The following FIG4 variants were observed in gnomAD, a reference collection of about 807,000 sequenced individuals.
The protein encoded by FIG4 is polyphosphoinositide phosphatase.
FIG4 carries 112 observed loss-of-function variants against 118.6 expected under a neutral mutation model. That is an observed-to-expected ratio of 0.94 (90% CI 0.81 to 1.11). The LOEUF (loss-of-function observed/expected upper bound fraction) is 1.11, where lower values mean the gene tolerates loss of function less well. Among genes scored for constraint, FIG4 ranks in the 50% least tolerant of loss-of-function variants. The probability of loss-of-function intolerance (pLI) is 0.00; values close to 1 mark genes in which losing one functional copy is unlikely to be tolerated. For missense variants in FIG4, 969 were observed against 1,111.7 expected (o/e 0.87, Z 1.83); for synonymous variants, 369 against 381.2 (o/e 0.97, Z 0.37).
rs1359777462 is a variant in FIG4, at chr6:109,791,507, CTG to C, written c.2316_2317del (p.Gln774AlafsTer9). ...GGGACTGATCGGGAAGAAGAGGGCT[CTG>C]TGTCTCAGCGCTCCACTCCCGTGAA... On this transcript the variant is annotated frameshift_variant, in exon 20 of 23. Transcript: ENST00000230124. LOFTEE classifies it high-confidence loss of function. 1.2e-6 allele frequency: 2 copies of C among 1,614,068 alleles called. No homozygotes were observed. The highest frequency in any genetic ancestry group is 2.2e-5 in the South Asian group (2 of 91,086).
At chr6:109,735,553 A>G (rs375053651) in intron 6 of FIG4, among the ~76,000 whole-genome samples, 1 of 152,158 alleles carries the variant, frequency 6.6e-6, no homozygotes, top group South Asian at 2.1e-4. Context: ...TTTTTATTGA[A>G]TACATTCAAG....
chr6:109,763,282 TTGGCCAA>T (rs1777167037), intron 12 of FIG4, among the ~76,000 whole-genome samples: 1 of 152,256 alleles, frequency 6.6e-6, no homozygotes, highest in Non-Finnish European at 1.5e-5. Context: ...TTGCCAGACA[TTGGCCAA>T]GGGCCAACCT....
chr6:109,779,834 G>A lies in FIG4; in HGVS notation c.1889+2774G>A, dbSNP rs192476896. 9.0e-4 allele frequency among the ~76,000 whole-genome samples: 137 copies of A among 152,360 alleles called. 1 individual carries two copies. Among genetic ancestry groups the A allele is most frequent in the Admixed American group, 5.0e-3 (77 of 15,296 alleles). ...ACAAGAGCACAGAGCTCAGGCTCAC[G>A]TAGAGCTGAGTTGGAATTTCTGCAA... On this transcript the variant is annotated intron_variant, in intron 16 of 22. Coordinates refer to ENST00000230124, the MANE Select transcript of FIG4 (RefSeq NM_014845.6).
intron 15 of FIG4, among the ~76,000 whole-genome samples, chr6:109,773,442 C>T (rs1777524728): frequency 6.6e-6 from 1 of 152,144 alleles, no homozygotes; most frequent in African/African-American, 2.4e-5. Context: ...AAGTCCGTTT[C>T]TCTACTTGTT....
chr6:109,793,869 A>G (rs1379698740), intron 21 of FIG4, among the ~76,000 whole-genome samples: 1 of 152,204 alleles, frequency 6.6e-6, no homozygotes, highest in African/African-American at 2.4e-5. Context: ...CTGGAAGCCA[A>G]TTTAGTCATC....
chr6:109,756,592 T>C (rs1025905387), intron 10 of FIG4, among the ~76,000 whole-genome samples: 4 of 152,214 alleles, frequency 2.6e-5, no homozygotes, highest in African/African-American at 7.2e-5. Context: ...GCAGATTTGG[T>C]CTTTTCACAT....
chr6:109,737,169 C>T (rs933220065), intron 6 of FIG4, among the ~76,000 whole-genome samples: 3 of 151,982 alleles, frequency 2.0e-5, no homozygotes, highest in African/African-American at 7.3e-5. Flanking sequence ...ACATCTTTGT[C>T]GAAGGTGAGA....
chr6:109,817,350 G>A (rs770631800), intron 22 of FIG4, among the ~76,000 whole-genome samples: 4 of 152,152 alleles, frequency 2.6e-5, no homozygotes, highest in Admixed American at 6.5e-5. Flanking sequence ...GATAATAAAC[G>A]CAGCTGAAAC....
At chr6:109,824,132 G>A (rs950683077) in intron 22 of FIG4, among the ~76,000 whole-genome samples, 5 of 152,216 alleles carry the variant, frequency 3.3e-5, no homozygotes, top group African/African-American at 9.6e-5. Context: ...TCCCCACGGG[G>A]TGCATGGAAA....
rs150938608 is a variant in FIG4, at chr6:109,705,243, T to C, written c.67-9835T>C. Among the ~76,000 whole-genome samples the C allele has an allele frequency of 1.0e-3, 152 of 152,314 alleles. 1 individual carries two copies. The highest frequency in any genetic ancestry group is 3.4e-3 in the African/African-American group (143 of 41,556). ...GCTGAGGATATACAGTGTTGATATA[T>C]TCAATAGGAAGGAAATAAGAACGAG... is the stretch of plus-strand genomic sequence containing the variant. On this transcript the variant is annotated intron_variant, in intron 1 of 22. Transcript: ENST00000230124.
chr6:109,808,961 A>G lies in FIG4; in HGVS notation c.2546+12110A>G, dbSNP rs112307215. ...TGAACCAGTATTTTCCAAATGATCA[A>G]TATATGCTGTTAAAAACTCATGCAT... On this transcript the variant is annotated intron_variant, in intron 22 of 22. Coordinates refer to ENST00000230124, the MANE Select transcript of FIG4 (RefSeq NM_014845.6). Among the ~76,000 whole-genome samples the G allele has an allele frequency of 9.0e-3, 1,368 of 152,328 alleles. 21 individuals are homozygous for G. Among genetic ancestry groups the G allele is most frequent in the African/African-American group, 0.032 (1,318 of 41,574 alleles).
Position 109,743,678 on chromosome 6 carries a change from A to G in FIG4, c.1043A>G (p.Asp348Gly). The G allele has an allele frequency of 6.2e-7, 1 of 1,611,166 alleles. No individual in the cohort carries two copies. Among genetic ancestry groups the G allele is most frequent in the East Asian group, 2.2e-5 (1 of 44,838 alleles). ...TMMPKPPITL[D>G]QADPFAHVAA... ...TTTCATCTTTTTTCCTTCTCAGTGGATCAGGCAGATCCATTTGCACATGTG... is the reference window on the plus strand; with the variant it reads ...TTTCATCTTTTTTCCTTCTCAGTGGGTCAGGCAGATCCATTTGCACATGTG... The change falls in exon 10 of 23, where the codon GAT (aspartate) becomes GGT (glycine). Residue 348 changes from aspartate to glycine, a missense_variant. Asp to Gly is a moderately conservative substitution (Grantham distance 94). This residue lies in a region of FIG4 where 246 missense variants were observed against 354.3 expected (regional missense o/e 0.69). Coordinates refer to ENST00000230124, the MANE Select transcript of FIG4 (RefSeq NM_014845.6).
chr6:109,803,907 C>A (rs1778496111), intron 22 of FIG4, among the ~76,000 whole-genome samples: 1 of 151,884 alleles, frequency 6.6e-6, no homozygotes, highest in Admixed American at 6.6e-5. Context: ...ATGGATGAAG[C>A]TGGAAACCAT....
At chr6:109,707,403 ATATACATATATACC>A (rs1033657701) in intron 1 of FIG4, among the ~76,000 whole-genome samples, 10 of 148,360 alleles carry the variant, frequency 6.7e-5, no homozygotes, top group Admixed American at 2.0e-4. Flanking sequence ...GTATACATAC[ATATACATATATACC>A]TATACATATA....
intron 16 of FIG4, among the ~76,000 whole-genome samples, chr6:109,784,314 C>T (rs930039075): frequency 7.9e-5 from 12 of 152,264 alleles, no homozygotes; most frequent in East Asian, 3.9e-4. Flanking sequence ...TTATAGCAGA[C>T]GAGCCTTCTA....
At chr6:109,811,383 T>C (rs1479259399) in intron 22 of FIG4, among the ~76,000 whole-genome samples, 2 of 152,160 alleles carry the variant, frequency 1.3e-5, no homozygotes, top group Non-Finnish European at 2.9e-5. Context: ...CTATCAGCAA[T>C]GTGATGGAGA....
In FIG4 at chr6:109,715,100, A is replaced by C. The variant is rs957622981; in HGVS notation, c.89A>C (p.Asn30Thr). The C allele has an allele frequency of 1.3e-6, 2 of 1,597,550 alleles. No individual in the cohort carries two copies. Residue 30 changes from asparagine to threonine, a missense_variant, in exon 2 of 23, where the codon AAT (asparagine) becomes ACT (threonine). Around this residue, in one of 3 missense-constraint regions of FIG4, gnomAD observed 393 missense variants for 409.4 expected, o/e 0.96. Coordinates refer to ENST00000230124, the MANE Select transcript of FIG4 (RefSeq NM_014845.6). ...TRARYFLVGS[N>T]NAETKYRVLK... ...TAGAGATACTTTCTAGTTGGGAGCA[A>C]TAATGCAGAAACGAAATATCGTGTC...
rs1400258914 is a variant in FIG4 at position 109,741,515 on chromosome 6, C to T, written c.847C>T (p.Arg283Cys). 4 of 1,612,168 alleles carry T rather than the reference C, an allele frequency of 2.5e-6. No homozygotes were observed. In the South Asian group the frequency reaches 4.4e-5, roughly 18 times the overall value. Reference sequence around the variant, plus strand: ...AAGATCCAGTAAATTTGCTGGCACCCGTTTTCTTAAAAGAGGTGCAAACTG... The same window carrying T: ...AAGATCCAGTAAATTTGCTGGCACCTGTTTTCTTAAAAGAGGTGCAAACTG... ...ARRSSKFAGT[R>C]FLKRGANCEG... Residue 283 changes from arginine to cysteine, a missense_variant, in exon 8 of 23, where the codon CGT (arginine) becomes TGT (cysteine). Around this residue, in one of 3 missense-constraint regions of FIG4, gnomAD observed 393 missense variants for 409.4 expected, o/e 0.96. Coordinates refer to ENST00000230124, the MANE Select transcript of FIG4 (RefSeq NM_014845.6).
In FIG4 at chr6:109,813,696, G is replaced by C. The variant is rs578191557; in HGVS notation, c.2547-11392G>C. Among the ~76,000 whole-genome samples, 7 of 152,256 alleles carry C rather than the reference G, an allele frequency of 4.6e-5. No homozygotes were observed. The South Asian group carries it at 1.2e-3, about 27-fold the overall frequency. On this transcript the variant is annotated intron_variant, in intron 22 of 22. Transcript: ENST00000230124. ...GTAATCTCCTCCCACATGGTACCGG[G>C]ATTGGTCTTTGTGACCACGAGCATA...
Sources: gnomAD v4.1 joint callset for allele counts (sites outside exome capture counted in the v4.1 genomes callset) on GRCh38, gnomAD v4.1.1 for gene constraint, gnomAD v4.1.1 regional missense constraint, MANE v1.5 for transcripts, NCBI Gene and HGNC (gene_info 2026-07-23, HGNC 2026-07-21) for gene names.